Variants in ALG10 observed in about 807,000 individuals in gnomAD.
ALG10 encodes the protein ALG10 alpha-1,2-glucosyltransferase.
In ALG10, 25 loss-of-function variants were observed where a neutral mutation model predicts 39.2. The observed-to-expected ratio is 0.64, with a 90% CI of 0.46 to 0.89. The LOEUF (loss-of-function observed/expected upper bound fraction) is 0.89, where lower values mean the gene tolerates loss of function less well. ALG10 is among the 40% of genes least tolerant of loss of function. The pLI, the probability that ALG10 is intolerant of heterozygous loss-of-function variation, is 0.00. For missense variants in ALG10, 486 were observed against 546.6 expected, an observed-to-expected ratio of 0.89 and a Z score of 1.11; for synonymous variants, 184 against 193.9, an observed-to-expected ratio of 0.95 and a Z score of 0.42.
rs747137949 is a variant in ALG10, at chr12:34,026,936, G to A, written c.*21G>A. ...GGTAATATCAGTGATATTTCGAACT[G>A]TGAAAATGGACTTAATAATTAGACC... is the stretch of plus-strand genomic sequence containing the variant. On this transcript the variant is annotated 3_prime_UTR_variant, in exon 3 of 3. Transcript: ENST00000266483. The A allele has an allele frequency of 6.2e-7, 1 of 1,607,898 alleles. No individual in the cohort carries two copies. The highest frequency in any genetic ancestry group is 1.1e-5 in the South Asian group (1 of 90,094).
Position 34,025,974 on chromosome 12 carries a change from C to T in ALG10, c.481C>T (p.Leu161Phe). Residue 161 changes from leucine to phenylalanine, a missense_variant, in exon 3 of 3, where the codon CTT becomes TTT. By Grantham distance (22) the Leu-to-Phe change is conservative. Transcript: ENST00000266483. ...YTEAGSMFFTLFAYLMCLYGN... is the reference protein window; with the variant it reads ...YTEAGSMFFTFFAYLMCLYGN... ...AGAAGCAGGATCTATGTTTTTTACTCTTTTTGCGTATTTGATGTGTCTTTA... is the reference window on the plus strand; with the variant it reads ...AGAAGCAGGATCTATGTTTTTTACTTTTTTTGCGTATTTGATGTGTCTTTA... The T allele has an allele frequency of 6.2e-7, 1 of 1,613,974 alleles. No homozygotes were observed. Among genetic ancestry groups the T allele is most frequent in the Non-Finnish European group, 8.5e-7 (1 of 1,179,930 alleles).
At position 34,026,154 on chromosome 12, in the gene ALG10, C is replaced by T. The variant is rs780475765; in HGVS notation, c.661C>T (p.Pro221Ser). 1.2e-6 allele frequency: 2 copies of T among 1,614,076 alleles called. No homozygotes were observed. Among genetic ancestry groups the T allele is most frequent in the East Asian group, 2.2e-5 (1 of 44,862 alleles). Reference protein sequence around the residue: ...TELQKKEDRLPPIKGPFAEFR... With the variant: ...TELQKKEDRLSPIKGPFAEFR... ...GCTACAAAAGAAGGAAGACAGACTT[C>T]CACCTATTAAAGGACCATTTGCAGA... The change falls in exon 3 of 3, where the codon CCA becomes TCA. Residue 221 changes from proline (P) to serine (S), a missense_variant. By Grantham distance (74) the Pro-to-Ser change is moderately conservative. Coordinates refer to ENST00000266483, the MANE Select transcript of ALG10 (RefSeq NM_032834.4).
In ALG10 at chr12:34,028,092, A is replaced by G. The variant is rs890516201; in HGVS notation, c.*1177A>G. ...TTGTATTCACATGATCTGAGTAGAC[A>G]TTGTCTCTTCGTGGGATACTTTTCA... On this transcript the variant is annotated 3_prime_UTR_variant, in exon 3 of 3. Coordinates refer to ENST00000266483, the MANE Select transcript of ALG10 (RefSeq NM_032834.4). 3 of 152,170 alleles carry G rather than the reference A, an allele frequency of 2.0e-5. No individual in the cohort carries two copies. The highest frequency in any genetic ancestry group is 2.0e-4 in the Admixed American group (3 of 15,270). 9.4% of individuals were successfully genotyped at this position (152,170 alleles called of 1,614,324 possible).
At position 34,024,031 on chromosome 12, in the gene ALG10, T is replaced by C. The variant is rs745412883; in HGVS notation, c.241T>C (p.Trp81Arg). Reference sequence around the variant, plus strand: ...AATTGGAGTGATCAAACCTGCCATTTGGATCTTTGGATGGTCTGAACATGT... The same window carrying C: ...AATTGGAGTGATCAAACCTGCCATTCGGATCTTTGGATGGTCTGAACATGT... ...VSIGVIKPAI[W>R]IFGWSEHVVC... Residue 81 changes from tryptophan (W) to arginine (R), a missense_variant, in exon 2 of 3, where the codon TGG becomes CGG. By Grantham distance (101) the Trp-to-Arg change is moderately radical (BLOSUM62 -3). Coordinates refer to ENST00000266483, the MANE Select transcript of ALG10 (RefSeq NM_032834.4). The C allele has an allele frequency of 6.2e-7, 1 of 1,614,204 alleles. No individual in the cohort carries two copies. Among genetic ancestry groups the C allele is most frequent in the South Asian group, 1.1e-5 (1 of 91,092 alleles).
chr12:34,025,607 A>T (rs555144745), intron 2 of ALG10, among the ~76,000 whole-genome samples: 5 of 152,176 alleles, frequency 3.3e-5, no homozygotes, highest in Admixed American at 6.5e-5. Flanking sequence ...CCTGATTCCA[A>T]TTGTGTTAAG....
chr12:34,027,231 G>T lies in ALG10; in HGVS notation c.*316G>T, dbSNP rs1333565214. On this transcript the variant is annotated 3_prime_UTR_variant, in exon 3 of 3. Coordinates refer to ENST00000266483, the MANE Select transcript of ALG10 (RefSeq NM_032834.4). The stretch of plus-strand genomic sequence containing the variant: ...GTATGTACAAGTTTATTAAAACTGG[G>T]TATGCTTCATATTACTGGAATGAAT... 1.6e-5 allele frequency: 3 copies of T among 192,116 alleles called. No homozygotes were observed. Among genetic ancestry groups the T allele is most frequent in the Non-Finnish European group, 3.2e-5 (3 of 95,094 alleles). 11.9% of individuals were successfully genotyped at this position (192,116 alleles called of 1,614,324 possible).
Position 34,024,020 on chromosome 12 carries a change from A to G in ALG10, c.230A>G (p.Lys77Arg), listed in dbSNP as rs367638429. 29 of 1,614,048 alleles carry G rather than the reference A, an allele frequency of 1.8e-5. No homozygotes were observed. The highest frequency in any genetic ancestry group is 1.6e-4 in the Middle Eastern group (1 of 6,084). Reference protein sequence around the residue: ...GLYLVSIGVIKPAIWIFGWSE... With the variant: ...GLYLVSIGVIRPAIWIFGWSE... ...TACCTGGTGTCAATTGGAGTGATCA[A>G]ACCTGCCATTTGGATCTTTGGATGG... Residue 77 changes from lysine to arginine, a missense_variant, in exon 2 of 3, where the codon AAA (lysine) becomes AGA (arginine). Lys to Arg is a conservative substitution (Grantham distance 26). Coordinates refer to ENST00000266483, the MANE Select transcript of ALG10 (RefSeq NM_032834.4).
chr12:34,022,481 TG>T, upstream of ALG10: 1 of 1,519,778 alleles, frequency 6.6e-7, no homozygotes, highest in Non-Finnish European at 9.1e-7. Context: ...TTCCGGTATG[TG>T]GCCCCGTCTG....
chr12:34,026,653 C>T lies in ALG10; in HGVS notation c.1160C>T (p.Ser387Leu), dbSNP rs1461725156. 1 of 1,613,848 alleles carries T rather than the reference C, an allele frequency of 6.2e-7. No individual in the cohort carries two copies. The highest frequency in any genetic ancestry group is 1.7e-5 in the Admixed American group (1 of 59,990). The change falls in exon 3 of 3, where the codon TCA becomes TTA. Residue 387 changes from serine to leucine, a missense_variant. Ser to Leu is a moderately radical substitution (Grantham distance 145). Coordinates refer to ENST00000266483, the MANE Select transcript of ALG10 (RefSeq NM_032834.4). ...YIFAGWSIAD[S>L]LKSKSIFWNL... The stretch of plus-strand genomic sequence containing the variant: ...TTTGCTGGTTGGAGTATAGCTGACT[C>T]ATTGAAATCAAAGTCAATTTTTTGG...
In ALG10 at chr12:34,026,180, A is replaced by G; in HGVS notation, c.687A>G (p.Glu229=). ...RLPPIKGPFA[E]FRKILQFLLA... ...CACCTATTAAAGGACCATTTGCAGA[A>G]TTCAGAAAAATTCTTCAGTTTCTTT... Residue 229 remains glutamate, a synonymous_variant, in exon 3 of 3, where the codon GAA becomes GAG. Transcript: ENST00000266483. The G allele has an allele frequency of 1.2e-6, 2 of 1,614,110 alleles. No individual in the cohort carries two copies. The highest frequency in any genetic ancestry group is 1.7e-6 in the Non-Finnish European group (2 of 1,179,970).
At position 34,022,510 on chromosome 12, in the gene ALG10, C is replaced by T. The variant is rs1942787672; in HGVS notation, c.-90C>T. The stretch of plus-strand genomic sequence containing the variant: ...CCCGTCTGGCTAGTCCCGCCTAGCG[C>T]GCCCATTTCGAGCCCAAGTTTCCAG... On this transcript the variant is annotated 5_prime_UTR_variant, in exon 1 of 3. Transcript: ENST00000266483. 21 of 1,604,334 alleles carry T rather than the reference C, an allele frequency of 1.3e-5. No homozygotes were observed. Among genetic ancestry groups the T allele is most frequent in the Non-Finnish European group, 1.7e-5 (20 of 1,172,952 alleles).
intron 2 of ALG10, 105 bp from the exon 3 acceptor site, chr12:34,025,758 G>T (rs1344820204): frequency 1.5e-6 from 2 of 1,358,024 alleles, no homozygotes; most frequent in South Asian, 1.3e-5. Context: ...TTTAAAGAAG[G>T]TTTGAGTAGT....
At position 34,027,986 on chromosome 12, in the gene ALG10, A is replaced by C. The variant is rs938270069; in HGVS notation, c.*1071A>C. 9.9e-5 allele frequency: 15 copies of C among 152,098 alleles called. No individual in the cohort carries two copies. The highest frequency in any genetic ancestry group is 3.6e-4 in the African/African-American group (15 of 41,396). 9.4% of individuals were successfully genotyped at this position (152,098 alleles called of 1,614,324 possible). A position where few individuals can be genotyped will look rare whatever the true frequency, so the allele number is the denominator to read the frequency against. On this transcript the variant is annotated 3_prime_UTR_variant, in exon 3 of 3. Transcript: ENST00000266483. ...TACCTTTTAAGGACAGTGTCTTTGA[A>C]TGTAGGGCCCACCCTGATCTAGGGT...
rs200821176 is a variant in ALG10, at chr12:34,026,359, C to G, written c.866C>G (p.Pro289Arg). ...RSSHEACLHFPQLFYFFSFTL... is the reference protein window; with the variant it reads ...RSSHEACLHFRQLFYFFSFTL... ...AGTCATGAAGCCTGTCTTCATTTTC[C>G]TCAACTATTCTACTTTTTTTCATTT... The change falls in exon 3 of 3, where the codon CCT (proline) becomes CGT (arginine). Residue 289 changes from proline (P) to arginine (R), a missense_variant. Physicochemically the swap from Pro to Arg is moderately radical, Grantham distance 103. Transcript: ENST00000266483. 1,850 of 1,613,904 alleles carry G rather than the reference C, an allele frequency of 1.1e-3. 2 individuals are homozygous for G. Among genetic ancestry groups the G allele is most frequent in the Non-Finnish European group, 1.5e-3 (1,737 of 1,179,922 alleles).
chr12:34,024,094 C>G lies in ALG10; in HGVS notation c.304C>G (p.Leu102Val). The change falls in exon 2 of 3, where the codon CTC (leucine) becomes GTC (valine). Residue 102 changes from leucine (L) to valine (V), a missense_variant. Leu to Val is a conservative substitution (Grantham distance 32). Coordinates refer to ENST00000266483, the MANE Select transcript of ALG10 (RefSeq NM_032834.4). ...TGGGATGCTCAGATTTGTTAATCTT[C>G]TCTTCAGTGTTGGCAACTTCTATTT... ...SIGMLRFVNL[L>V]FSVGNFYLLY... is the part of the protein sequence containing the mutation. 1 of 1,614,116 alleles carries G rather than the reference C, an allele frequency of 6.2e-7. No homozygotes were observed.
rs764640596 is a variant in ALG10, at chr12:34,026,491, C to A, written c.998C>A (p.Ser333Tyr). The change falls in exon 3 of 3, where the codon TCT becomes TAT. Residue 333 changes from serine (S) to tyrosine (Y), a missense_variant. Coordinates refer to ENST00000266483, the MANE Select transcript of ALG10 (RefSeq NM_032834.4). Reference protein sequence around the residue: ...RILFFVVTLVSVFLVWKFTYA... With the variant: ...RILFFVVTLVYVFLVWKFTYA... The stretch of plus-strand genomic sequence containing the variant: ...CTGTTTTTTGTGGTTACCTTAGTCT[C>A]TGTGTTTTTAGTTTGGAAATTCACT... 2 of 1,613,758 alleles carry A rather than the reference C, an allele frequency of 1.2e-6. No homozygotes were observed. Among genetic ancestry groups the A allele is most frequent in the East Asian group, 4.5e-5 (2 of 44,842 alleles).
chr12:34,022,425 A>G, upstream of ALG10: 1 of 1,022,096 alleles, frequency 9.8e-7, no homozygotes, highest in Non-Finnish European at 1.5e-6. Flanking sequence ...TCCGGGAAAC[A>G]GCGACCCGAT....
At chr12:34,023,016 G>C in intron 1 of ALG10, 1 of 564,408 alleles carries the variant, frequency 1.8e-6, no homozygotes, top group South Asian at 2.9e-5. Flanking sequence ...GGGGAACTGA[G>C]CCCTCCTCTT....
Position 34,026,090 on chromosome 12 carries a change from T to C in ALG10, c.597T>C (p.Asn199=), listed in dbSNP as rs754347043. Residue 199 remains asparagine (N), a synonymous_variant, in exon 3 of 3, where the codon AAT becomes AAC. Transcript: ENST00000266483. ...TCTGGGCTGTCTTCTGTGCAGGAAA[T>C]GTCATTGCACAAAAGTTAACGGAGG... ...NIIWAVFCAG[N]VIAQKLTEAW... 23 of 1,614,068 alleles carry C rather than the reference T, an allele frequency of 1.4e-5. No individual in the cohort carries two copies. Among genetic ancestry groups the C allele is most frequent in the Non-Finnish European group, 1.9e-5 (22 of 1,179,962 alleles).
Sources: gnomAD v4.1 joint callset for allele counts (sites outside exome capture counted in the v4.1 genomes callset) on GRCh38, gnomAD v4.1.1 for gene constraint, MANE v1.5 for transcripts, NCBI Gene and HGNC (gene_info 2026-07-23, HGNC 2026-07-21) for gene names.